Variants in ASIC2 observed in about 807,000 individuals in gnomAD.
The protein encoded by ASIC2 is acid sensing ion channel subunit 2, also known as acid-sensing ion channel 2.
A neutral mutation model predicts 57.3 loss-of-function variants in ASIC2; 25 were observed. That is an observed-to-expected ratio of 0.44 (90% CI 0.32 to 0.61). The LOEUF is 0.61. Ranked by LOEUF, ASIC2 falls within the 20% of genes least tolerant of loss-of-function variation. ASIC2 has a pLI of 0.06. For missense variants in ASIC2, 641 were observed against 738.1 expected (o/e 0.87, Z 1.52); for synonymous variants, 319 against 307.5 (o/e 1.04, Z -0.39).
chr17:33,023,750 T>C, intron 6 of ASIC2, 111 bp downstream of exon 6: 4 of 1,421,494 alleles, frequency 2.8e-6, no homozygotes, highest in Non-Finnish European at 3.9e-6. Context: ...GTTCAACTAA[T>C]GTTTGCTAAC....
At chr17:34,048,643 G>C (rs1908426230) in intron 1 of ASIC2, among the ~76,000 whole-genome samples, 1 of 152,174 alleles carries the variant, frequency 6.6e-6, no homozygotes, top group South Asian at 2.1e-4. Context: ...TTACATAACT[G>C]CTCTATCTCA....
chr17:33,664,964 G>T (rs1485149584), intron 1 of ASIC2, among the ~76,000 whole-genome samples: 1 of 152,048 alleles, frequency 6.6e-6, no homozygotes, highest in Non-Finnish European at 1.5e-5. Context: ...AGCCCAAAAA[G>T]CTGCAATTGT....
intron 1 of ASIC2, among the ~76,000 whole-genome samples, chr17:33,339,617 C>T (rs1330157633): frequency 6.6e-6 from 1 of 152,134 alleles, no homozygotes; most frequent in African/African-American, 2.4e-5. Context: ...CGGTGTCTTG[C>T]CCTCAGAAAG....
intron 1 of ASIC2, among the ~76,000 whole-genome samples, chr17:33,806,259 C>G (rs763258040): frequency 1.3e-5 from 2 of 152,246 alleles, no homozygotes; most frequent in South Asian, 2.1e-4. Flanking sequence ...CAGACACAGA[C>G]AGTACCCAAA....
chr17:34,119,194 T>C (rs936481790), intron 1 of ASIC2, among the ~76,000 whole-genome samples: 22 of 152,098 alleles, frequency 1.4e-4, no homozygotes, highest in South Asian at 2.1e-4. Flanking sequence ...GGGAACATAA[T>C]AGAAGGGTTA....
chr17:33,857,485 C>T (rs745885077), intron 1 of ASIC2, among the ~76,000 whole-genome samples: 21 of 152,230 alleles, frequency 1.4e-4, no homozygotes, highest in East Asian at 1.9e-4. Context: ...GACCCCTTTC[C>T]GCTCAGGATG....
intron 1 of ASIC2, among the ~76,000 whole-genome samples, chr17:33,459,792 A>C (rs1046554073): frequency 6.6e-6 from 1 of 152,190 alleles, no homozygotes. Context: ...TGGTCTCTCT[A>C]GGTGGTTTCC....
chr17:33,414,026 T>A (rs1415534615), intron 1 of ASIC2, among the ~76,000 whole-genome samples: 1 of 152,174 alleles, frequency 6.6e-6, no homozygotes, highest in African/African-American at 2.4e-5. Flanking sequence ...CTCCCAGACA[T>A]GGGCCCTGAG....
chr17:33,627,638 C>G (rs754752270), intron 1 of ASIC2, among the ~76,000 whole-genome samples: 45 of 152,230 alleles, frequency 3.0e-4, no homozygotes, highest in Admixed American at 1.8e-3. Flanking sequence ...CTTCCTGATT[C>G]CTGTTAAGTT....
chr17:33,791,546 A>G (rs1276442461), intron 1 of ASIC2, among the ~76,000 whole-genome samples: 1 of 152,258 alleles, frequency 6.6e-6, no homozygotes, highest in Non-Finnish European at 1.5e-5. Flanking sequence ...CAAATTTGAC[A>G]CATTAATATT....
At chr17:33,898,120 G>T (rs1431519613) in intron 1 of ASIC2, among the ~76,000 whole-genome samples, 1 of 150,802 alleles carries the variant, frequency 6.6e-6, no homozygotes, top group Admixed American at 6.6e-5. Flanking sequence ...CAGGGGAGGT[G>T]CTCTGCCCAT....
intron 1 of ASIC2, among the ~76,000 whole-genome samples, chr17:33,183,963 G>A (rs2142061433): frequency 6.6e-6 from 1 of 152,268 alleles, no homozygotes; most frequent in South Asian, 2.1e-4. Flanking sequence ...TTCCTCTTCA[G>A]ACAAATTAAG....
intron 1 of ASIC2, among the ~76,000 whole-genome samples, chr17:33,397,819 C>A (rs2141956650): frequency 6.6e-6 from 1 of 152,350 alleles, no homozygotes; most frequent in African/African-American, 2.4e-5. Context: ...TTCTACAACA[C>A]TTTGATTTGC....
intron 1 of ASIC2, among the ~76,000 whole-genome samples, chr17:33,806,020 C>A (rs1912257510): frequency 6.6e-6 from 1 of 152,214 alleles, no homozygotes; most frequent in Non-Finnish European, 1.5e-5. Flanking sequence ...GCAGTCCTCC[C>A]ACAAATGCAC....
intron 1 of ASIC2, among the ~76,000 whole-genome samples, chr17:33,615,396 T>G (rs1336929373): frequency 6.6e-6 from 1 of 152,110 alleles, no homozygotes; most frequent in Non-Finnish European, 1.5e-5. Context: ...TATGATTCAA[T>G]AGACCTTTTT....
At chr17:33,071,961 G>A (rs12939856) in intron 3 of ASIC2, among the ~76,000 whole-genome samples, 27,267 of 152,046 alleles carry the variant, frequency 0.18, 2,544 homozygotes, top group Non-Finnish European at 0.21. Context: ...TTCTTTCTCT[G>A]GTTTTGGGTA....
intron 1 of ASIC2, among the ~76,000 whole-genome samples, chr17:33,526,022 G>A (rs1048222900): frequency 1.3e-5 from 2 of 152,168 alleles, no homozygotes; most frequent in South Asian, 4.1e-4. Context: ...TCTTCCTGAA[G>A]ATTCTGATTC....
chr17:33,535,984 T>C (rs1450659349), intron 1 of ASIC2, among the ~76,000 whole-genome samples: 3 of 152,030 alleles, frequency 2.0e-5, no homozygotes, highest in Admixed American at 2.0e-4. Context: ...TACAGAAGAG[T>C]CTTGTTTCCG....
chr17:33,445,225 C>T (rs1006681800), intron 1 of ASIC2, among the ~76,000 whole-genome samples: 20 of 152,108 alleles, frequency 1.3e-4, no homozygotes, highest in Non-Finnish European at 2.1e-4. Context: ...GTCAGGAGTT[C>T]GAGACCAGCC....
Sources: allele counts gnomAD v4.1 joint callset (sites outside exome capture counted in the v4.1 genomes callset), GRCh38; gene constraint gnomAD v4.1.1; transcripts MANE v1.5; gene names NCBI Gene and HGNC (gene_info 2026-07-23, HGNC 2026-07-21).